The following ESCO2 variants were observed in gnomAD, a reference collection of about 807,000 sequenced individuals.
ESCO2 encodes establishment of sister chromatid cohesion N-acetyltransferase 2.
In ESCO2, 51 loss-of-function variants were observed where a neutral mutation model predicts 61.7. That is an observed-to-expected ratio of 0.83 (90% CI 0.66 to 1.04). The LOEUF is 1.04. ESCO2 is among the 50% of genes least tolerant of loss of function. ESCO2 has a pLI of 0.00. For missense variants in ESCO2, 692 were observed against 686.2 expected, an observed-to-expected ratio of 1.01 and a Z score of -0.09; for synonymous variants, 230 against 238.2, an observed-to-expected ratio of 0.97 and a Z score of 0.32.
intron 5 of ESCO2, among the ~76,000 whole-genome samples, chr8:27,785,590 C>T (rs954915707): frequency 6.6e-6 from 1 of 151,336 alleles, no homozygotes; most frequent in Non-Finnish European, 1.5e-5. Context: ...ATCCCAGCTA[C>T]TCAGGAAGCT....
intron 10 of ESCO2, among the ~76,000 whole-genome samples, chr8:27,800,290 A>G (rs1395668133): frequency 6.6e-6 from 1 of 152,228 alleles, no homozygotes; most frequent in Non-Finnish European, 1.5e-5. Flanking sequence ...ACACAATAAA[A>G]AGACAACCTA....
downstream of ESCO2, chr8:27,810,383 G>A: frequency 1.2e-6 from 2 of 1,610,830 alleles, no homozygotes; most frequent in Non-Finnish European, 1.7e-6. Flanking sequence ...TGCATACAGA[G>A]AAGAGTTCAA....
At chr8:27,784,460 A>C (rs1192808755) in intron 5 of ESCO2, among the ~76,000 whole-genome samples, 1 of 152,214 alleles carries the variant, frequency 6.6e-6, no homozygotes, top group Non-Finnish European at 1.5e-5. Flanking sequence ...CCAGGACTAG[A>C]ATCCATATCT....
At chr8:27,800,153 A>G (rs1805392646) in intron 10 of ESCO2, among the ~76,000 whole-genome samples, 1 of 152,236 alleles carries the variant, frequency 6.6e-6, no homozygotes, top group Non-Finnish European at 1.5e-5. Context: ...GTGACTAGAT[A>G]ATGAAGACTT....
intron 4 of ESCO2, among the ~76,000 whole-genome samples, chr8:27,781,431 C>T (rs1475027943): frequency 6.6e-6 from 1 of 152,074 alleles, no homozygotes; most frequent in Non-Finnish European, 1.5e-5. Flanking sequence ...TTTATTTTGC[C>T]ATAATTTTAG....
At chr8:27,798,282 A>AC (rs1036906486) in intron 9 of ESCO2, among the ~76,000 whole-genome samples, 9 of 151,124 alleles carry the variant, frequency 6.0e-5, no homozygotes, top group Non-Finnish European at 1.0e-4. Flanking sequence ...ACATGCTGAA[A>AC]CCCCCCGCCT....
downstream of ESCO2, chr8:27,811,028 G>A: frequency 1.9e-6 from 3 of 1,612,570 alleles, no homozygotes; most frequent in South Asian, 3.3e-5. Flanking sequence ...ACAAAGTAAG[G>A]CCAAAGGCAA....
At chr8:27,780,135 A>G in intron 3 of ESCO2, 39 bp from the exon 4 acceptor site, 1 of 1,278,678 alleles carries the variant, frequency 7.8e-7, no homozygotes. Context: ...ATAGTTAAAA[A>G]TTACAGATGT....
intron 10 of ESCO2, among the ~76,000 whole-genome samples, chr8:27,801,483 A>G (rs1472942285): frequency 6.6e-6 from 1 of 152,198 alleles, no homozygotes; most frequent in Non-Finnish European, 1.5e-5. Context: ...AAAAATTGGT[A>G]TCTTAAAGAT....
intron 9 of ESCO2, among the ~76,000 whole-genome samples, chr8:27,796,634 G>C (rs1585407084): frequency 6.6e-6 from 1 of 152,166 alleles, no homozygotes; most frequent in African/African-American, 2.4e-5. Flanking sequence ...TTGATCCATT[G>C]GTTGTTCAGG....
chr8:27,780,403 T>C, intron 4 of ESCO2, 136 bp downstream of exon 4: 1 of 647,230 alleles, frequency 1.5e-6, no homozygotes, highest in South Asian at 1.8e-5. Context: ...TGTTTATCTC[T>C]GTGACACTGT....
rs1805490974 is a variant in ESCO2 at position 27,803,293 on chromosome 8, T to C, written c.1674-13T>C. The C allele has an allele frequency of 6.2e-7, 1 of 1,613,030 alleles. No homozygotes were observed. The highest frequency in any genetic ancestry group is 1.7e-5 in the Admixed American group (1 of 59,988). ...TTGCTTCCATCATTAAATCATCTTT[T>C]CTTCTCTTTTAGGAATTGCTTCATG... On this transcript the variant is annotated splice_polypyrimidine_tract_variant and intron_variant, in intron 10 of 10. Transcript: ENST00000305188.
intron 10 of ESCO2, among the ~76,000 whole-genome samples, chr8:27,800,542 G>A (rs2128957888): frequency 6.6e-6 from 1 of 152,298 alleles, no homozygotes; most frequent in Non-Finnish European, 1.5e-5. Flanking sequence ...TGCAGTTGGT[G>A]TGGAATACAA....
In ESCO2 at chr8:27,775,481, T is replaced by C; in HGVS notation, c.-16-18T>C. ...TTTTTAATATTTTGATGAATGTGGT[T>C]ATTGTCATTTCTTTTAGGAATTCAA... On this transcript the variant is annotated intron_variant, in intron 1 of 10. Transcript: ENST00000305188. 1.3e-6 allele frequency: 2 copies of C among 1,598,424 alleles called. No homozygotes were observed. Among genetic ancestry groups the C allele is most frequent in the Non-Finnish European group, 1.7e-6 (2 of 1,165,700 alleles).
chr8:27,803,323 G>C lies in ESCO2; in HGVS notation c.1691G>C (p.Gly564Ala), dbSNP rs1805491460. The C allele has an allele frequency of 3.1e-6, 5 of 1,613,620 alleles. No individual in the cohort carries two copies. The highest frequency in any genetic ancestry group is 4.2e-6 in the Non-Finnish European group (5 of 1,179,920). ...VDTLRNCFMF[G>A]CFLSTDEIAF... is the part of the protein sequence containing the mutation. ...TCTTTTAGGAATTGCTTCATGTTTGGCTGTTTTCTCAGCACTGATGAAATA... is the reference window on the plus strand; with the variant it reads ...TCTTTTAGGAATTGCTTCATGTTTGCCTGTTTTCTCAGCACTGATGAAATA... Residue 564 changes from glycine to alanine, a missense_variant, in exon 11 of 11, where the codon GGC becomes GCC. By Grantham distance (60) the Gly-to-Ala change is moderately conservative (BLOSUM62 0). Transcript: ENST00000305188.
Position 27,776,522 on chromosome 8 carries a change from A to C in ESCO2, c.214A>C (p.Asn72His), listed in dbSNP as rs536977867. Residue 72 changes from asparagine (N) to histidine (H), a missense_variant, in exon 3 of 11, where the codon AAT (asparagine) becomes CAT (histidine). By Grantham distance (68) the Asn-to-His change is moderately conservative (BLOSUM62 1). Coordinates refer to ENST00000305188, the MANE Select transcript of ESCO2 (RefSeq NM_001017420.3). ...TGAAATAAATAGACTGCCATCAGCA[A>C]ATCAAGGCTCACCATTTAAATCTGC... ...TTEINRLPSA[N>H]QGSPFKSALS... The C allele has an allele frequency of 1.1e-5, 17 of 1,614,128 alleles. No individual in the cohort carries two copies. In the South Asian group the frequency reaches 1.6e-4, roughly 16 times the overall value.
At position 27,775,552 on chromosome 8, in the gene ESCO2, C is replaced by A. The variant is rs771125221; in HGVS notation, c.38C>A (p.Ser13Tyr). 10 of 1,613,986 alleles carry A rather than the reference C, an allele frequency of 6.2e-6. No individual in the cohort carries two copies. In the East Asian group the frequency reaches 2.2e-4, roughly 36 times the overall value. Residue 13 changes from serine (S) to tyrosine (Y), a missense_variant, in exon 2 of 11, where the codon TCT becomes TAT. By Grantham distance (144) the Ser-to-Tyr change is moderately radical (BLOSUM62 -2). Coordinates refer to ENST00000305188, the MANE Select transcript of ESCO2 (RefSeq NM_001017420.3). ...ALTPRKRKQD[S>Y]LKCDSLLHFT... ...ACTCCAAGGAAGAGGAAGCAGGATT[C>A]TTTGAAGTGTGACAGGTGAATCTCA...
At chr8:27,784,093 T>C in intron 5 of ESCO2, 36 bp downstream of exon 5, 3 of 1,586,986 alleles carry the variant, frequency 1.9e-6, no homozygotes, top group Middle Eastern at 3.3e-4. Flanking sequence ...CCAAGCCTTG[T>C]AAATTATACA....
chr8:27,780,219 A>C lies in ESCO2; in HGVS notation c.907A>C (p.Lys303Gln), dbSNP rs767444182. The change falls in exon 4 of 11, where the codon AAA (lysine) becomes CAA (glutamine). Residue 303 changes from lysine to glutamine, a missense_variant. Physicochemically the swap from Lys to Gln is moderately conservative, Grantham distance 53 (BLOSUM62 1). Transcript: ENST00000305188. ...RVSSKEHKVD[K>Q]NEAFSSEDSL... ...TTCTTCAAAGGAACATAAAGTTGAT[A>C]AAAATGAGGCTTTTTCTTCAGAGGA... is the stretch of plus-strand genomic sequence containing the variant. 10 of 1,612,530 alleles carry C rather than the reference A, an allele frequency of 6.2e-6. No individual in the cohort carries two copies. In the East Asian group the frequency reaches 2.2e-4, roughly 36 times the overall value.
Sources: allele counts gnomAD v4.1 joint callset (sites outside exome capture counted in the v4.1 genomes callset), GRCh38; gene constraint gnomAD v4.1.1; transcripts MANE v1.5; gene names NCBI Gene and HGNC (gene_info 2026-07-23, HGNC 2026-07-21).